ABCA12: variants seen among roughly 807,000 people sequenced by gnomAD.
ABCA12 encodes the protein ATP binding cassette subfamily A member 12.
A neutral mutation model predicts 293.5 loss-of-function variants in ABCA12; 156 were observed. The ratio of observed to expected loss-of-function variants is 0.53; its 90% CI spans 0.47 to 0.61. The LOEUF is 0.61. Among genes scored for constraint, ABCA12 ranks in the 20% least tolerant of loss-of-function variants. The pLI, the probability that ABCA12 is intolerant of heterozygous loss-of-function variation, is 0.00. For missense variants in ABCA12, 2,797 were observed against 3,090.2 expected, an observed-to-expected ratio of 0.91 and a Z score of 2.25; for synonymous variants, 1,063 against 1,108.0, an observed-to-expected ratio of 0.96 and a Z score of 0.81.
Position 215,031,843 on chromosome 2 carries a change from A to T in ABCA12, c.1039T>A (p.Ser347Thr), listed in dbSNP as rs774001956. ...TACTGTGCAGCCAGACTGCTTGGAG[A>T]TAAGGTCTGTCCATCATCCTCATTC... is the stretch of plus-strand genomic sequence containing the variant. The part of the protein sequence containing the change: ...VWNEDDGQTL[S>T]PSSLAAQLLI... The change falls in exon 9 of 53, where the codon TCT becomes ACT. Residue 347 changes from serine (S) to threonine (T), a missense_variant. Ser to Thr is a moderately conservative substitution (Grantham distance 58). Transcript: ENST00000272895. 1 of 1,614,004 alleles carries T rather than the reference A, an allele frequency of 6.2e-7. No homozygotes were observed. Among genetic ancestry groups the T allele is most frequent in the South Asian group, 1.1e-5 (1 of 91,078 alleles).
At position 214,934,221 on chromosome 2, in the gene ABCA12, G is replaced by C. The variant is rs1698150882; in HGVS notation, c.7543-6C>G. Reference sequence around the variant, plus strand: ...AGCATGCTGAGGTGCTGATCCTGTGGGAACCAAAGGAAAAAAGTTTATTTT... The same window carrying C: ...AGCATGCTGAGGTGCTGATCCTGTGCGAACCAAAGGAAAAAAGTTTATTTT... On this transcript the variant is annotated splice_polypyrimidine_tract_variant and splice_region_variant and intron_variant, in intron 51 of 52. Transcript: ENST00000272895. 1 of 1,613,522 alleles carries C rather than the reference G, an allele frequency of 6.2e-7. No individual in the cohort carries two copies. The highest frequency in any genetic ancestry group is 8.5e-7 in the Non-Finnish European group (1 of 1,179,650).
chr2:214,975,557 T>C (rs939544742), intron 34 of ABCA12, among the ~76,000 whole-genome samples: 1 of 152,158 alleles, frequency 6.6e-6, no homozygotes. Context: ...TAAATAAATA[T>C]CTACTATAAC....
chr2:215,044,116 T>C (rs35084145), intron 7 of ABCA12, among the ~76,000 whole-genome samples: 46,107 of 151,920 alleles, frequency 0.3, 7,979 homozygotes, highest in Middle Eastern at 0.41. Flanking sequence ...TATCAAGAAA[T>C]AAACATCAGC....
chr2:215,093,085 C>G (rs1702180492), intron 2 of ABCA12, among the ~76,000 whole-genome samples: 1 of 152,198 alleles, frequency 6.6e-6, no homozygotes, highest in Admixed American at 6.5e-5. Context: ...ATCTTCCCAA[C>G]AGGACACTCT....
intron 1 of ABCA12, among the ~76,000 whole-genome samples, chr2:215,131,703 T>TC (rs1703060969): frequency 7.4e-5 from 1 of 13,444 alleles, no homozygotes; most frequent in African/African-American, 1.1e-4. Flanking sequence ...CTTTCTATTG[T>TC]TTTTTTTTTT....
rs150109711 is a variant in ABCA12 at position 215,019,086 on chromosome 2, T to C, written c.1657+250A>G. On this transcript the variant is annotated intron_variant, in intron 13 of 52. Transcript: ENST00000272895. ...ATATATCAGAGAAACGAAAGGTGAATGGTCTAACTAGTTAAACTTTTGAAG... is the reference window on the plus strand; with the variant it reads ...ATATATCAGAGAAACGAAAGGTGAACGGTCTAACTAGTTAAACTTTTGAAG... 9.2e-5 allele frequency among the ~76,000 whole-genome samples: 14 copies of C among 152,334 alleles called. No individual in the cohort carries two copies. In the East Asian group the frequency reaches 2.5e-3, roughly 27 times the overall value.
intron 20 of ABCA12, among the ~76,000 whole-genome samples, chr2:215,002,837 A>T (rs1700172634): frequency 6.6e-6 from 1 of 152,230 alleles, no homozygotes; most frequent in Non-Finnish European, 1.5e-5. Context: ...ACTAAGTTAC[A>T]TGTGTAATTA....
intron 48 of ABCA12, 70 bp downstream of exon 48, chr2:214,947,352 A>G: frequency 6.2e-7 from 1 of 1,601,206 alleles, no homozygotes; most frequent in Non-Finnish European, 8.6e-7. Flanking sequence ...TGATGATGAA[A>G]TGTTAACACA....
chr2:214,970,715 T>C (rs1262159617), intron 36 of ABCA12, among the ~76,000 whole-genome samples: 2 of 152,106 alleles, frequency 1.3e-5, no homozygotes, highest in African/African-American at 4.8e-5. Context: ...TGGACAATAA[T>C]GTTAAACATT....
intron 33 of ABCA12, among the ~76,000 whole-genome samples, chr2:214,976,885 T>C (rs1699529436): frequency 6.6e-6 from 1 of 152,148 alleles, no homozygotes. Context: ...TAGCATTCTC[T>C]CCGAAAGCCT....
At chr2:214,943,556 A>G (rs1698478777) in intron 49 of ABCA12, among the ~76,000 whole-genome samples, 2 of 152,282 alleles carry the variant, frequency 1.3e-5, no homozygotes, top group Non-Finnish European at 2.9e-5. Context: ...TGTTTCTTCT[A>G]AAACCAAAGG....
At chr2:214,973,386 T>C (rs936596174) in intron 36 of ABCA12, among the ~76,000 whole-genome samples, 3 of 152,232 alleles carry the variant, frequency 2.0e-5, no homozygotes, top group Non-Finnish European at 4.4e-5. Context: ...TGAACTTCTC[T>C]AGTGAATGTG....
intron 37 of ABCA12, among the ~76,000 whole-genome samples, chr2:214,969,583 T>C (rs1277003819): frequency 6.6e-6 from 1 of 152,110 alleles, no homozygotes; most frequent in African/African-American, 2.4e-5. Context: ...ACCCATTTTG[T>C]TAAAAATATT....
chr2:214,974,142 T>G (rs1391397736), intron 35 of ABCA12, 100 bp from the exon 36 acceptor site: 3 of 1,047,498 alleles, frequency 2.9e-6, no homozygotes, highest in Non-Finnish European at 3.0e-6. Context: ...AGTTCATGTG[T>G]GTAGTCACAG....
chr2:214,973,800 T>G, intron 36 of ABCA12, 149 bp downstream of exon 36: 1 of 717,998 alleles, frequency 1.4e-6, no homozygotes, highest in Non-Finnish European at 2.4e-6. Flanking sequence ...AGTCAGTATT[T>G]TTTGAGCTGC....
intron 13 of ABCA12, among the ~76,000 whole-genome samples, chr2:215,019,043 AC>A (rs1302253138): frequency 6.6e-6 from 1 of 152,234 alleles, no homozygotes; most frequent in Non-Finnish European, 1.5e-5. Context: ...CTTGCAGCTG[AC>A]TATGGGATGA....
rs375199055 is a variant in ABCA12, at chr2:214,934,232, A to G, written c.7543-17T>C. On this transcript the variant is annotated splice_polypyrimidine_tract_variant and intron_variant, in intron 51 of 52. Transcript: ENST00000272895. The stretch of plus-strand genomic sequence containing the variant: ...GTGCTGATCCTGTGGGAACCAAAGG[A>G]AAAAAGTTTATTTTGCAATGTCTGG... The G allele has an allele frequency of 7.3e-5, 117 of 1,613,562 alleles. 1 individual carries two copies. In the African/African-American group the frequency reaches 1.3e-3, roughly 18 times the overall value.
At chr2:215,035,925 G>A (rs952027331) in intron 8 of ABCA12, 1 of 152,072 alleles carries the variant, frequency 6.6e-6, no homozygotes, top group African/African-American at 2.4e-5. Flanking sequence ...AAAAAGGAAA[G>A]GGTAATAAGG....
At chr2:215,086,481 G>A (rs139229425) in intron 2 of ABCA12, among the ~76,000 whole-genome samples, 25 of 152,252 alleles carry the variant, frequency 1.6e-4, no homozygotes, top group African/African-American at 4.3e-4. Context: ...GGTTTTATCC[G>A]TGAAATGAAA....
Sources: allele counts gnomAD v4.1 joint callset (sites outside exome capture counted in the v4.1 genomes callset), GRCh38; gene constraint gnomAD v4.1.1; transcripts MANE v1.5; gene names NCBI Gene and HGNC (gene_info 2026-07-23, HGNC 2026-07-21).